The following TRPV2 variants were observed in gnomAD, a reference collection of about 807,000 sequenced individuals.
TRPV2 encodes the protein transient receptor potential cation channel subfamily V member 2, also known as OTRPC2.
In TRPV2, 58 loss-of-function variants were observed where a neutral mutation model predicts 91.0. That is an observed-to-expected ratio of 0.64 (90% CI 0.52 to 0.79). TRPV2 has a LOEUF of 0.79. Among genes scored for constraint, TRPV2 ranks in the 30% least tolerant of loss-of-function variants. The pLI is 0.00. For synonymous variants in TRPV2, 417 were observed against 414.8 expected, an observed-to-expected ratio of 1.01 and a Z score of -0.06; for missense variants, 807 against 969.6, an observed-to-expected ratio of 0.83 and a Z score of 2.23.
intron 8 of TRPV2, 126 bp downstream of exon 8, chr17:16,427,673 T>C (rs1302786497): frequency 1.2e-6 from 1 of 859,742 alleles, no homozygotes; most frequent in East Asian, 2.8e-5. Context: ...CCAGCCTCAC[T>C]GAAGCTGAGG....
At chr17:16,429,647 C>A (rs1313317198) in intron 10 of TRPV2, among the ~76,000 whole-genome samples, 2 of 152,072 alleles carry the variant, frequency 1.3e-5, no homozygotes, top group Admixed American at 1.3e-4. Flanking sequence ...AGGAGATATT[C>A]TCAGCAGAGG....
rs1358223384 is a variant in TRPV2 at position 16,420,188 on chromosome 17, G to A, written c.274G>A (p.Ala92Thr). The A allele has an allele frequency of 1.2e-6, 2 of 1,614,010 alleles. No individual in the cohort carries two copies. Among genetic ancestry groups the A allele is most frequent in the Non-Finnish European group, 1.7e-6 (2 of 1,179,998 alleles). Residue 92 changes from alanine to threonine, a missense_variant, in exon 3 of 15, where the codon GCT (alanine) becomes ACT (threonine). Physicochemically the swap from Ala to Thr is moderately conservative, Grantham distance 58. Coordinates refer to ENST00000338560, the MANE Select transcript of TRPV2 (RefSeq NM_016113.5). ...CTCCCGGGGTGTCCCCGAGGATCTG[G>A]CTGGACTTCCAGAGTACCTGAGCAA... ...AVSRGVPEDL[A>T]GLPEYLSKTS...
intron 7 of TRPV2, 69 bp from the exon 8 acceptor site, chr17:16,427,380 T>G: frequency 6.8e-7 from 1 of 1,466,006 alleles, no homozygotes; most frequent in Non-Finnish European, 9.4e-7. Flanking sequence ...GCCCTCAGCT[T>G]CAGCTCTGAA....
chr17:16,426,171 T>C lies in TRPV2; in HGVS notation c.997T>C (p.Tyr333His). Residue 333 changes from tyrosine to histidine, a missense_variant, in exon 6 of 15, where the codon TAT becomes CAT. Physicochemically the swap from Tyr to His is moderately conservative, Grantham distance 83. Transcript: ENST00000338560. This position sits in a 1 kb window ranked among gnomAD's most constrained non-coding sequence, Gnocchi z 6.0. Reference protein sequence around the residue: ...HLSRKFTEWCYGPVRVSLYDL... With the variant: ...HLSRKFTEWCHGPVRVSLYDL... Reference sequence around the variant, plus strand: ...TTCCCGAAAGTTCACCGAGTGGTGCTATGGGCCTGTCCGGGTGTCGCTGTA... The same window carrying C: ...TTCCCGAAAGTTCACCGAGTGGTGCCATGGGCCTGTCCGGGTGTCGCTGTA... 1 of 1,614,176 alleles carries C rather than the reference T, an allele frequency of 6.2e-7. No homozygotes were observed. The highest frequency in any genetic ancestry group is 8.5e-7 in the Non-Finnish European group (1 of 1,180,012).
At chr17:16,421,394 T>A (rs573822614) in intron 3 of TRPV2, among the ~76,000 whole-genome samples, 1 of 151,870 alleles carries the variant, frequency 6.6e-6, no homozygotes, top group South Asian at 2.1e-4. Context: ...TTTTTTGTAT[T>A]TTTTTAGTAG....
intron 2 of TRPV2, among the ~76,000 whole-genome samples, chr17:16,419,636 T>C (rs1260346810): frequency 6.6e-6 from 1 of 152,114 alleles, no homozygotes; most frequent in Admixed American, 6.5e-5. Context: ...AGTTAATAGA[T>C]GGTTTCTAAG....
Position 16,428,955 on chromosome 17 carries a change from A to G in TRPV2, c.1560A>G (p.Thr520=), listed in dbSNP as rs1282048178. 3 of 1,614,210 alleles carry G rather than the reference A, an allele frequency of 1.9e-6. No individual in the cohort carries two copies. The highest frequency in any genetic ancestry group is 1.7e-6 in the Non-Finnish European group (2 of 1,180,034). ...LLYYTRGFQH[T]GIYSVMIQKV... is the part of the protein sequence containing the mutation. ...ACTATACACGTGGCTTCCAGCACAC[A>G]GGCATCTACAGTGTCATGATCCAGA... The change falls in exon 10 of 15, where the codon ACA becomes ACG. Residue 520 remains threonine, a synonymous_variant. Transcript: ENST00000338560.
Position 16,423,750 on chromosome 17 carries a change from A to G in TRPV2, c.907A>G (p.Lys303Glu), listed in dbSNP as rs1448826870. ...QDLTPLKLAA[K>E]EGKIEIFRHI... ...TCTCACGCCTCTGAAGCTGGCCGCC[A>G]AGGAGGGCAAGATCGAGGTGAGCGG... The change falls in exon 5 of 15, where the codon AAG becomes GAG. Residue 303 changes from lysine to glutamate, a missense_variant. By Grantham distance (56) the Lys-to-Glu change is moderately conservative (BLOSUM62 1). Transcript: ENST00000338560. 1 of 1,584,550 alleles carries G rather than the reference A, an allele frequency of 6.3e-7. No homozygotes were observed.
intron 9 of TRPV2, 195 bp downstream of exon 9, chr17:16,428,582 G>A: frequency 1.4e-6 from 1 of 715,022 alleles, no homozygotes; most frequent in South Asian, 1.8e-5. Context: ...ACTGTAGATG[G>A]TGATAGTGAC....
chr17:16,431,291 A>ATACATTTTTTTTTTTTTTTTTTT (rs1333090555), intron 10 of TRPV2, among the ~76,000 whole-genome samples: 1 of 67,392 alleles, frequency 1.5e-5, no homozygotes, highest in African/African-American at 6.4e-5. Flanking sequence ...ATATATACAT[A>ATACATTTTTTTTTTTTTTTTTTT]TTTTTTTTTT....
At position 16,435,705 on chromosome 17, in the gene TRPV2, C is replaced by A. The variant is rs1351301072; in HGVS notation, c.2194+736C>A. Reference sequence around the variant, plus strand: ...TCTCCATCTCTTTCCTGACAAATTTCACTTGCTTGTGCCTGTTGCCCCCCA... The same window carrying A: ...TCTCCATCTCTTTCCTGACAAATTTAACTTGCTTGTGCCTGTTGCCCCCCA... On this transcript the variant is annotated intron_variant, in intron 14 of 14. Coordinates refer to ENST00000338560, the MANE Select transcript of TRPV2 (RefSeq NM_016113.5). The surrounding 1 kb of genome is among the most constrained non-coding windows in gnomAD (Gnocchi z 4.2). 1.3e-5 allele frequency among the ~76,000 whole-genome samples: 2 copies of A among 152,172 alleles called. No individual in the cohort carries two copies. Among genetic ancestry groups the A allele is most frequent in the Non-Finnish European group, 2.9e-5 (2 of 68,032 alleles).
At chr17:16,434,674 A>C in intron 13 of TRPV2, 1 of 509,902 alleles carries the variant, frequency 2.0e-6, no homozygotes, top group Non-Finnish European at 3.4e-6. Context: ...GAAGCGATGG[A>C]TGCTGATTCC....
intron 12 of TRPV2, 112 bp from the exon 13 acceptor site, chr17:16,433,450 TTTAGTTGACTTC>T: frequency 7.2e-7 from 1 of 1,379,980 alleles, no homozygotes; most frequent in East Asian, 2.4e-5. Flanking sequence ...AATCCGCGTG[TTTAGTTGACTTC>T]GCGTTATACT....
intron 13 of TRPV2, among the ~76,000 whole-genome samples, chr17:16,433,998 G>C (rs1050621796): frequency 1.3e-5 from 2 of 152,168 alleles, no homozygotes; most frequent in African/African-American, 4.8e-5. Context: ...GAAGTCAGAG[G>C]GACCCTTGGG....
chr17:16,423,529 T>A lies in TRPV2; in HGVS notation c.686T>A (p.Leu229Gln). The change falls in exon 5 of 15, where the codon CTG becomes CAG. Residue 229 changes from leucine (L) to glutamine (Q), a missense_variant. Physicochemically the swap from Leu to Gln is moderately radical, Grantham distance 113. Coordinates refer to ENST00000338560, the MANE Select transcript of TRPV2 (RefSeq NM_016113.5). ...TKQWDVVSYL[L>Q]ENPHQPASLQ... is the part of the protein sequence containing the mutation. ...CAGTGGGATGTGGTAAGCTACCTCC[T>A]GGAGAACCCACACCAGCCCGCCAGC... The A allele has an allele frequency of 6.2e-7, 1 of 1,614,064 alleles. No individual in the cohort carries two copies. The highest frequency in any genetic ancestry group is 2.2e-5 in the East Asian group (1 of 44,882).
Position 16,436,997 on chromosome 17 carries a change from T to C in TRPV2, c.*108T>C. ...TCTGGTGGCAAATATATATTTTCAC[T>C]AACTAACTCTTCTGGAAACATTATT... On this transcript the variant is annotated 3_prime_UTR_variant, in exon 15 of 15. Transcript: ENST00000338560. 2.3e-6 allele frequency: 2 copies of C among 860,226 alleles called. No individual in the cohort carries two copies. Among genetic ancestry groups the C allele is most frequent in the Admixed American group, 2.2e-5 (1 of 45,236 alleles). The allele number at this position is 860,226 out of a possible 1,614,324, so 53.3% of individuals were successfully genotyped here.
rs1600982392 is a variant in TRPV2 at position 16,429,478 on chromosome 17, C to T, written c.1587+496C>T. On this transcript the variant is annotated intron_variant, in intron 10 of 14. Transcript: ENST00000338560. Reference sequence around the variant, plus strand: ...TAAGAAAACAACTGAGAACATTCCACACTGCTAAATTCTATGAAGGAAAAA... The same window carrying T: ...TAAGAAAACAACTGAGAACATTCCATACTGCTAAATTCTATGAAGGAAAAA... Among the ~76,000 whole-genome samples, 3 of 152,238 alleles carry T rather than the reference C, an allele frequency of 2.0e-5. No homozygotes were observed. In the South Asian group the frequency reaches 6.2e-4, roughly 32 times the overall value.
At position 16,427,090 on chromosome 17, in the gene TRPV2, T is replaced by G. The variant is rs117999798; in HGVS notation, c.1251+213T>G. The stretch of plus-strand genomic sequence containing the variant: ...AAAAGGATTCTAGGTGATGGACATG[T>G]GTTGACTAATTAATGTGCCCCAAAA... On this transcript the variant is annotated intron_variant, in intron 7 of 14. Coordinates refer to ENST00000338560, the MANE Select transcript of TRPV2 (RefSeq NM_016113.5). Among the ~76,000 whole-genome samples the G allele has an allele frequency of 8.4e-3, 1,273 of 152,302 alleles. 7 individuals are homozygous for G. The highest frequency in any genetic ancestry group is 0.013 in the Non-Finnish European group (868 of 68,030).
intron 10 of TRPV2, among the ~76,000 whole-genome samples, chr17:16,431,289 A>ATTTTT (rs1491306214): frequency 1.9e-4 from 3 of 16,102 alleles, no homozygotes; most frequent in African/African-American, 6.2e-4. Flanking sequence ...ATATATATAC[A>ATTTTT]TATTTTTTTT....
Sources: gnomAD v4.1 joint callset for allele counts (sites outside exome capture counted in the v4.1 genomes callset) on GRCh38, gnomAD v4.1.1 for gene constraint, Gnocchi (gnomAD v3.1) non-coding constraint, MANE v1.5 for transcripts, NCBI Gene and HGNC (gene_info 2026-07-23, HGNC 2026-07-21) for gene names.